The following VCL variants were observed in gnomAD, a reference collection of about 807,000 sequenced individuals.
VCL encodes the protein vinculin.
VCL carries 47 observed loss-of-function variants against 125.7 expected under a neutral mutation model. The ratio of observed to expected loss-of-function variants is 0.37; its 90% CI spans 0.30 to 0.48. VCL has a LOEUF of 0.48. Among genes scored for constraint, VCL ranks in the 20% least tolerant of loss-of-function variants. The pLI is 0.99. For synonymous variants in VCL, 458 were observed against 514.6 expected (o/e 0.89, Z 1.49); for missense variants, 1,069 against 1,455.5 (o/e 0.73, Z 4.32).
At chr10:74,066,821 G>C (rs1022138468) in intron 2 of VCL, among the ~76,000 whole-genome samples, 1 of 151,838 alleles carries the variant, frequency 6.6e-6, no homozygotes, top group Non-Finnish European at 1.5e-5. Flanking sequence ...ACAGGTGCCC[G>C]CCACCATGCC....
At chr10:74,008,884 A>T (rs959221988) in intron 1 of VCL, among the ~76,000 whole-genome samples, 1 of 152,220 alleles carries the variant, frequency 6.6e-6, no homozygotes, top group African/African-American at 2.4e-5. Context: ...GCTCTCAGGC[A>T]GGTCAACCCT....
intron 16 of VCL, among the ~76,000 whole-genome samples, chr10:74,105,931 TTTTG>T (rs1299566917): frequency 7.1e-6 from 1 of 141,120 alleles, no homozygotes; most frequent in Admixed American, 7.0e-5. Context: ...TTTTTTTTTT[TTTTG>T]AGACGGAGTT....
intron 2 of VCL, among the ~76,000 whole-genome samples, chr10:74,047,452 C>A (rs1003612219): frequency 1.3e-4 from 20 of 152,244 alleles, no homozygotes; most frequent in Middle Eastern, 3.4e-3. Context: ...TTAATGACAT[C>A]CTTGGAACTA....
At chr10:74,060,623 T>C (rs1336803554) in intron 2 of VCL, among the ~76,000 whole-genome samples, 1 of 127,480 alleles carries the variant, frequency 7.8e-6, no homozygotes, top group Non-Finnish European at 1.6e-5. Context: ...GCCACTGCAC[T>C]CCAGCCTGGG....
At chr10:74,087,005 G>T (rs1839789444) in intron 8 of VCL, among the ~76,000 whole-genome samples, 2 of 151,800 alleles carry the variant, frequency 1.3e-5, no homozygotes, top group African/African-American at 4.8e-5. Flanking sequence ...TTTCACAGTT[G>T]GACTCTTTTT....
At chr10:74,045,153 A>G (rs549004436) in intron 2 of VCL, among the ~76,000 whole-genome samples, 141 of 152,288 alleles carry the variant, frequency 9.3e-4, no homozygotes, top group Non-Finnish European at 1.7e-3. Context: ...CCTGGGTGAC[A>G]GGGTGAAACC....
intron 7 of VCL, 130 bp from the exon 8 acceptor site, chr10:74,083,236 T>C: frequency 8.2e-7 from 1 of 1,218,526 alleles, no homozygotes; most frequent in Admixed American, 2.0e-5. Flanking sequence ...AGCTATCAGA[T>C]ATGTTGCCTT....
At chr10:74,017,857 C>T (rs992183980) in intron 1 of VCL, among the ~76,000 whole-genome samples, 7 of 151,876 alleles carry the variant, frequency 4.6e-5, no homozygotes, top group South Asian at 4.2e-4. Context: ...AATAGCAAGG[C>T]ACCTTTAAAA....
At chr10:74,007,381 C>G (rs1306749149) in intron 1 of VCL, among the ~76,000 whole-genome samples, 1 of 152,164 alleles carries the variant, frequency 6.6e-6, no homozygotes, top group South Asian at 2.1e-4. Context: ...GCCTGTAGTT[C>G]AGCATAGCAT....
chr10:74,007,755 C>T (rs1046161223), intron 1 of VCL, among the ~76,000 whole-genome samples: 2 of 152,072 alleles, frequency 1.3e-5, no homozygotes, highest in African/African-American at 2.4e-5. Context: ...CTTGGCCTCC[C>T]GAAGTACTGG....
At chr10:74,082,864 C>T (rs1401207435) in intron 7 of VCL, among the ~76,000 whole-genome samples, 1 of 152,172 alleles carries the variant, frequency 6.6e-6, no homozygotes, top group African/African-American at 2.4e-5. Context: ...TTCCAGTTCC[C>T]ATTGAGCAGA....
chr10:74,012,184 C>G (rs1311457586), intron 1 of VCL, among the ~76,000 whole-genome samples: 1 of 152,204 alleles, frequency 6.6e-6, no homozygotes, highest in East Asian at 1.9e-4. Context: ...CTCTCCATCC[C>G]TGGAGAACTG....
At position 74,094,126 on chromosome 10, in the gene VCL, CAAAT is replaced by C. The variant is rs527445737; in HGVS notation, c.1353-137_1353-134del. 1.6e-4 allele frequency: 148 copies of C among 924,274 alleles called. 1 individual carries two copies. Among genetic ancestry groups the C allele is most frequent in the South Asian group, 1.2e-3 (71 of 58,106 alleles). The allele number at this position is 924,274 out of a possible 1,614,324, so 57.3% of individuals were successfully genotyped here. ...AATTATTAATTTCTTATGTAAGGGC[CAAAT>C]AAATAAACCACTCCTTTCAAACCAA... is the stretch of plus-strand genomic sequence containing the variant. On this transcript the variant is annotated intron_variant, in intron 10 of 21. Transcript: ENST00000211998.
At position 74,120,118 on chromosome 10, in the gene VCL, C is replaced by G. The variant is rs541995253; in HGVS notation, c.*1949C>G. On this transcript the variant is annotated 3_prime_UTR_variant, in exon 22 of 22. Transcript: ENST00000211998. ...TATATGCAAATATTTTCTGCCTCTT[C>G]TTTTGTTCTGTTTAAAACAATAAAA... The G allele has an allele frequency of 7.2e-5, 11 of 151,746 alleles. No homozygotes were observed. Among genetic ancestry groups the G allele is most frequent in the Non-Finnish European group, 1.2e-4 (8 of 67,944 alleles). 9.4% of individuals were successfully genotyped at this position (151,746 alleles called of 1,614,324 possible). A position where few individuals can be genotyped will look rare whatever the true frequency, so the allele number is the denominator to read the frequency against.
intron 2 of VCL, chr10:74,063,928 T>A (rs1841521210): frequency 6.6e-6 from 1 of 152,208 alleles, no homozygotes; most frequent in Non-Finnish European, 1.5e-5. Context: ...CAACTTGGTA[T>A]TCAGCAGCGC....
At chr10:74,018,201 T>TATATATATATATATAA (rs1433937715) in intron 1 of VCL, among the ~76,000 whole-genome samples, 20 of 139,804 alleles carry the variant, frequency 1.4e-4, no homozygotes, top group South Asian at 2.2e-4. Flanking sequence ...TATATATATA[T>TATATATATATATATAA]AAATACATAT....
intron 2 of VCL, among the ~76,000 whole-genome samples, chr10:74,054,418 G>T (rs1411456044): frequency 1.3e-5 from 2 of 152,194 alleles, no homozygotes; most frequent in Admixed American, 6.6e-5. Flanking sequence ...TTAGCCTGCT[G>T]TTGGCTTGTT....
intron 1 of VCL, among the ~76,000 whole-genome samples, chr10:74,029,533 A>G (rs930109067): frequency 6.6e-6 from 1 of 152,170 alleles, no homozygotes; most frequent in Non-Finnish European, 1.5e-5. Flanking sequence ...TGTAGCCTTA[A>G]CTGACAGACT....
intron 1 of VCL, among the ~76,000 whole-genome samples, chr10:74,037,519 A>C (rs933719836): frequency 6.6e-6 from 1 of 152,196 alleles, no homozygotes; most frequent in Admixed American, 6.5e-5. Context: ...CTTTGAATAA[A>C]TGGGCAGGTC....
Sources: allele counts gnomAD v4.1 joint callset (sites outside exome capture counted in the v4.1 genomes callset), GRCh38; gene constraint gnomAD v4.1.1; transcripts MANE v1.5; gene names NCBI Gene and HGNC (gene_info 2026-07-23, HGNC 2026-07-21).